DCDC1: variants seen among roughly 807,000 people sequenced by gnomAD.
DCDC1 encodes doublecortin domain containing 1.
In DCDC1, 200 loss-of-function variants were observed where a neutral mutation model predicts 178.3. The observed-to-expected ratio is 1.12, with a 90% CI of 1.00 to 1.26. DCDC1 has a LOEUF of 1.26. Ranked by LOEUF, DCDC1 falls within the 50% of genes most tolerant of loss-of-function variation. The pLI is 0.00. For missense variants in DCDC1, 1,983 were observed against 1,749.2 expected, an observed-to-expected ratio of 1.13 and a Z score of -2.38; for synonymous variants, 690 against 604.8, an observed-to-expected ratio of 1.14 and a Z score of -2.07.
intron 1 of DCDC1, among the ~76,000 whole-genome samples, chr11:31,364,922 C>T (rs889893894): frequency 2.6e-5 from 4 of 151,890 alleles, no homozygotes; most frequent in Non-Finnish European, 5.9e-5. Context: ...TAAAACTTAA[C>T]ATTTCATACA....
intron 9 of DCDC1, among the ~76,000 whole-genome samples, chr11:31,154,068 C>G (rs555542020): frequency 3.0e-4 from 46 of 152,288 alleles, no homozygotes; most frequent in African/African-American, 1.1e-3. Context: ...AGTGAGTTCT[C>G]ACAAGATCTG....
chr11:30,888,082 G>GAGAAAGAA (rs1375836230), intron 36 of DCDC1, among the ~76,000 whole-genome samples: 41 of 96,334 alleles, frequency 4.3e-4, no homozygotes, highest in Admixed American at 1.2e-3. Context: ...GAGAGAGAGA[G>GAGAAAGAA]AGAAAGAAAG....
intron 1 of DCDC1, among the ~76,000 whole-genome samples, chr11:31,338,917 A>G (rs528762721): frequency 6.6e-6 from 1 of 152,316 alleles, no homozygotes; most frequent in South Asian, 2.1e-4. Context: ...TAAACTTTAC[A>G]TTGTAAGTAA....
At chr11:30,888,561 T>C (rs1943512332) in intron 36 of DCDC1, among the ~76,000 whole-genome samples, 1 of 151,970 alleles carries the variant, frequency 6.6e-6, no homozygotes. Context: ...CTACTAAAAA[T>C]ACAAAATTAG....
At chr11:30,920,599 A>C (rs540300969) in intron 25 of DCDC1, among the ~76,000 whole-genome samples, 177 bp downstream of exon 25, 31 of 152,318 alleles carry the variant, frequency 2.0e-4, no homozygotes, top group South Asian at 1.9e-3. Flanking sequence ...ATGGTTGAAC[A>C]TCGAAGCTGT....
chr11:30,938,923 C>CT (rs1459751787), intron 21 of DCDC1, among the ~76,000 whole-genome samples: 1 of 131,216 alleles, frequency 7.6e-6, no homozygotes, highest in Admixed American at 7.9e-5. Flanking sequence ...GTCCTCATGT[C>CT]TGAGTTTTCC....
Position 31,137,701 on chromosome 11 carries a change from T to C in DCDC1, c.1305A>G (p.Glu435=), listed in dbSNP as rs1255332309. 1.4e-6 allele frequency: 1 copy of C among 702,618 alleles called. No individual in the cohort carries two copies. The highest frequency in any genetic ancestry group is 1.7e-5 in the African/African-American group (1 of 57,246). 43.5% of individuals were successfully genotyped at this position (702,618 alleles called of 1,614,324 possible). A position where few individuals can be genotyped will look rare whatever the true frequency, so the allele number is the denominator to read the frequency against. Residue 435 remains glutamate, a synonymous_variant, in exon 10 of 39, where the codon GAA becomes GAG. Transcript: ENST00000684477. The part of the protein sequence containing the change: ...LSMTAKEHHK[E]QEEVSRLIDE... ...AAAGTAATTTCCTTACTTCTTCCTG[T>C]TCCTTATGGTGTTCCTTTGCCGTCA...
intron 22 of DCDC1, among the ~76,000 whole-genome samples, chr11:30,930,731 A>T (rs1182397219): frequency 2.6e-5 from 4 of 152,174 alleles, no homozygotes; most frequent in Non-Finnish European, 2.9e-5. Flanking sequence ...AACAAGAAAA[A>T]TAATGAATGT....
chr11:31,006,773 TA>T (rs1402149426), intron 20 of DCDC1, among the ~76,000 whole-genome samples: 1 of 152,190 alleles, frequency 6.6e-6, no homozygotes, highest in Non-Finnish European at 1.5e-5. Context: ...TAATTCTAAA[TA>T]AAAATCAACC....
intron 4 of DCDC1, among the ~76,000 whole-genome samples, chr11:31,306,799 C>T (rs924325864): frequency 6.6e-6 from 1 of 152,010 alleles, no homozygotes; most frequent in Non-Finnish European, 1.5e-5. Context: ...AGATTCTATC[C>T]AAGTTTTCAG....
chr11:31,127,397 T>C (rs1961791451), intron 11 of DCDC1, 72 bp downstream of exon 11: 1 of 618,062 alleles, frequency 1.6e-6, no homozygotes, highest in South Asian at 1.9e-5. Context: ...GGCATTGTTA[T>C]AAGTGTTTTC....
chr11:30,877,558 A>C (rs1448496559), intron 38 of DCDC1, among the ~76,000 whole-genome samples: 1 of 152,124 alleles, frequency 6.6e-6, no homozygotes, highest in Non-Finnish European at 1.5e-5. Flanking sequence ...TAAATAGTGC[A>C]TATATCCTTT....
rs142198014 is a variant in DCDC1, at chr11:31,368,166, A to G, written c.-125+1531T>C. 7.7e-3 allele frequency among the ~76,000 whole-genome samples: 1,170 copies of G among 152,372 alleles called. 9 individuals carry two copies. The highest frequency in any genetic ancestry group is 0.02 in the Middle Eastern group (6 of 294). On this transcript the variant is annotated intron_variant, in intron 1 of 38. Transcript: ENST00000684477. ...TTGGTACATTTTAGGGATGCAAACT[A>G]AAGTATGTAGAGATGAAATGACAAA...
chr11:31,046,369 C>T (rs1288549957), intron 20 of DCDC1, among the ~76,000 whole-genome samples: 1 of 151,690 alleles, frequency 6.6e-6, no homozygotes, highest in Non-Finnish European at 1.5e-5. Flanking sequence ...GGAGTGCTAC[C>T]CAATGTCCTC....
At chr11:31,322,340 A>G (rs1591756567) in intron 3 of DCDC1, among the ~76,000 whole-genome samples, 2 of 152,232 alleles carry the variant, frequency 1.3e-5, no homozygotes, top group African/African-American at 4.8e-5. Context: ...TTGATTATCT[A>G]TGTAAGTCAT....
chr11:31,242,267 G>C (rs1977250814), intron 8 of DCDC1, among the ~76,000 whole-genome samples: 1 of 151,836 alleles, frequency 6.6e-6, no homozygotes, highest in South Asian at 2.1e-4. Flanking sequence ...TTTGTAAATA[G>C]ATAAAAGATA....
chr11:30,871,005 C>G (rs1243753173), intron 38 of DCDC1, among the ~76,000 whole-genome samples: 2 of 152,170 alleles, frequency 1.3e-5, no homozygotes, highest in African/African-American at 4.8e-5. Context: ...CTGTTCCTTA[C>G]GTAGGGAAAC....
chr11:30,866,703 G>C (rs1941008008), intron 38 of DCDC1, among the ~76,000 whole-genome samples: 1 of 152,170 alleles, frequency 6.6e-6, no homozygotes, highest in African/African-American at 2.4e-5. Flanking sequence ...TCAGAACTGT[G>C]AGACAACACA....
intron 17 of DCDC1, among the ~76,000 whole-genome samples, chr11:31,083,392 T>C (rs1185049606): frequency 3.3e-5 from 5 of 152,290 alleles, no homozygotes; most frequent in African/African-American, 4.8e-5. Context: ...CATTAGTCCA[T>C]TGATTTTACA....
Sources: allele counts gnomAD v4.1 joint callset (sites outside exome capture counted in the v4.1 genomes callset), GRCh38; gene constraint gnomAD v4.1.1; transcripts MANE v1.5; gene names NCBI Gene and HGNC (gene_info 2026-07-23, HGNC 2026-07-21).